The following CADPS2 variants were observed in gnomAD, a reference collection of about 807,000 sequenced individuals.
CADPS2 encodes the protein calcium-dependent secretion activator 2.
A neutral mutation model predicts 172.5 loss-of-function variants in CADPS2; 93 were observed. That is an observed-to-expected ratio of 0.54 (90% CI 0.46 to 0.64). The LOEUF is 0.64. CADPS2 is among the 30% of genes least tolerant of loss of function. CADPS2 has a pLI of 0.00. For missense variants in CADPS2, 1,420 were observed against 1,565.9 expected (o/e 0.91, Z 1.57); for synonymous variants, 546 against 555.2 (o/e 0.98, Z 0.23).
chr7:122,443,710 C>CA (rs56137420), intron 15 of CADPS2, among the ~76,000 whole-genome samples: 7,714 of 57,894 alleles, frequency 0.13, 723 homozygotes, highest in East Asian at 0.22. Context: ...CTGCTTTCTA[C>CA]AAAAAAAAAA....
At chr7:122,644,546 C>A (rs959549454) in intron 3 of CADPS2, among the ~76,000 whole-genome samples, 2 of 152,134 alleles carry the variant, frequency 1.3e-5, no homozygotes, top group African/African-American at 2.4e-5. Context: ...TAATGGTGAA[C>A]GACTTGCGTT....
chr7:122,439,032 T>C (rs2051016167), intron 16 of CADPS2, among the ~76,000 whole-genome samples: 1 of 152,118 alleles, frequency 6.6e-6, no homozygotes. Flanking sequence ...AGGAGACCTC[T>C]TTGCCTTAGT....
At chr7:122,733,214 T>C (rs1219400994) in intron 2 of CADPS2, among the ~76,000 whole-genome samples, 1 of 151,814 alleles carries the variant, frequency 6.6e-6, no homozygotes, top group African/African-American at 2.4e-5. Flanking sequence ...GACAATCATA[T>C]TCAAAAGAAA....
intron 2 of CADPS2, among the ~76,000 whole-genome samples, chr7:122,716,368 G>A (rs1009782052): frequency 1.3e-5 from 2 of 152,004 alleles, no homozygotes; most frequent in African/African-American, 4.8e-5. Flanking sequence ...ACCCCCTTCT[G>A]CTACCATCAC....
intron 2 of CADPS2, among the ~76,000 whole-genome samples, chr7:122,677,219 G>A (rs2082471509): frequency 6.6e-6 from 1 of 152,190 alleles, no homozygotes; most frequent in Non-Finnish European, 1.5e-5. Flanking sequence ...GAGAATTTCT[G>A]GTGCTATAAG....
intron 9 of CADPS2, among the ~76,000 whole-genome samples, chr7:122,506,104 A>C (rs1269762503): frequency 6.6e-6 from 1 of 152,196 alleles, no homozygotes; most frequent in Non-Finnish European, 1.5e-5. Context: ...GCTCCCACTT[A>C]GAGGCAGTCT....
At chr7:122,684,060 T>C (rs1238728295) in intron 2 of CADPS2, among the ~76,000 whole-genome samples, 1 of 152,206 alleles carries the variant, frequency 6.6e-6, no homozygotes, top group Non-Finnish European at 1.5e-5. Flanking sequence ...TTTTTATTTA[T>C]CTTTATTAAA....
At chr7:122,531,154 T>A (rs2061718504) in intron 8 of CADPS2, among the ~76,000 whole-genome samples, 1 of 152,212 alleles carries the variant, frequency 6.6e-6, no homozygotes, top group South Asian at 2.1e-4. Context: ...GTTTATTATA[T>A]TCTTTGTGAT....
chr7:122,645,681 A>ATATATCTATCTC (rs796988558), intron 3 of CADPS2, among the ~76,000 whole-genome samples: 1 of 116,824 alleles, frequency 8.6e-6, no homozygotes, highest in Non-Finnish European at 1.7e-5. Flanking sequence ...ATATATATAT[A>ATATATCTATCTC]TCTTGGGATT....
chr7:122,793,506 T>G (rs1795721329), intron 1 of CADPS2, among the ~76,000 whole-genome samples: 1 of 152,204 alleles, frequency 6.6e-6, no homozygotes, highest in African/African-American at 2.4e-5. Flanking sequence ...CCTTTTATTT[T>G]GAGCTTATGT....
At chr7:122,398,352 T>A (rs2045443780) in intron 20 of CADPS2, among the ~76,000 whole-genome samples, 1 of 152,326 alleles carries the variant, frequency 6.6e-6, no homozygotes, top group South Asian at 2.1e-4. Context: ...CTTGAACCCA[T>A]ATAATCCAAT....
rs1428614743 is a variant in CADPS2 at position 122,570,505 on chromosome 7, C to G, written c.1335+10674G>C. ...CCTCAGGGATCTAGAACTAGAAATA[C>G]CATTTGACCCAGCCATCCCATTACT... On this transcript the variant is annotated intron_variant, in intron 7 of 29. Coordinates refer to ENST00000449022, the MANE Select transcript of CADPS2 (RefSeq NM_017954.11). Among the ~76,000 whole-genome samples, 3 of 147,636 alleles carry G rather than the reference C, an allele frequency of 2.0e-5. No individual in the cohort carries two copies. In the Admixed American group the frequency reaches 2.0e-4, roughly 10 times the overall value.
intron 3 of CADPS2, among the ~76,000 whole-genome samples, chr7:122,650,285 T>G (rs577888242): frequency 6.6e-6 from 1 of 152,122 alleles, no homozygotes; most frequent in African/African-American, 2.4e-5. Flanking sequence ...AATATTTTCA[T>G]TAAACAACCA....
At chr7:122,703,396 T>C (rs1487579626) in intron 2 of CADPS2, among the ~76,000 whole-genome samples, 3 of 152,126 alleles carry the variant, frequency 2.0e-5, no homozygotes, top group Admixed American at 6.6e-5. Flanking sequence ...CTACCCAGTA[T>C]GGCATTCTGT....
At chr7:122,497,578 C>A (rs28625932) in intron 9 of CADPS2, among the ~76,000 whole-genome samples, 5,238 of 152,104 alleles carry the variant, frequency 0.034, 290 homozygotes, top group African/African-American at 0.12. Flanking sequence ...ATTAGTTCTA[C>A]CTTATTTTAG....
At chr7:122,828,991 T>C (rs1324267457) in intron 1 of CADPS2, among the ~76,000 whole-genome samples, 1 of 152,228 alleles carries the variant, frequency 6.6e-6, no homozygotes, top group African/African-American at 2.4e-5. Context: ...TTATACCATC[T>C]TTTCTGGACC....
intron 28 of CADPS2, among the ~76,000 whole-genome samples, chr7:122,341,867 T>C (rs17461878): frequency 0.11 from 16,999 of 152,034 alleles, 1,220 homozygotes; most frequent in Non-Finnish European, 0.15. Flanking sequence ...TTTTGATAGG[T>C]TGAAAAGATG....
At chr7:122,813,777 G>A (rs1449659259) in intron 1 of CADPS2, among the ~76,000 whole-genome samples, 1 of 151,954 alleles carries the variant, frequency 6.6e-6, no homozygotes. Context: ...AGTGGATATT[G>A]GAAAATACTT....
intron 12 of CADPS2, 21 bp downstream of exon 12, chr7:122,480,830 TA>T: frequency 6.7e-7 from 1 of 1,494,032 alleles, no homozygotes; most frequent in Non-Finnish European, 8.9e-7. Context: ...CATCTAATTT[TA>T]AAAATCATGA....
Sources: gnomAD v4.1 joint callset for allele counts (sites outside exome capture counted in the v4.1 genomes callset) on GRCh38, gnomAD v4.1.1 for gene constraint, MANE v1.5 for transcripts, NCBI Gene and HGNC (gene_info 2026-07-23, HGNC 2026-07-21) for gene names.